POU6F2: variants seen among roughly 807,000 people sequenced by gnomAD.
POU6F2 encodes POU class 6 homeobox 2.
Under a neutral mutation model 71.3 loss-of-function variants are expected in POU6F2, and 31 were observed. The observed-to-expected ratio is 0.43, with a 90% confidence interval of 0.33 to 0.59. POU6F2 has a LOEUF of 0.59. Ranked by LOEUF, POU6F2 falls within the 20% of genes least tolerant of loss-of-function variation. The probability of loss-of-function intolerance (pLI) is 0.04; values close to 1 mark genes in which losing one functional copy is unlikely to be tolerated. For missense variants in POU6F2, 783 were observed against 856.8 expected (o/e 0.91, Z 1.07); for synonymous variants, 347 against 355.7 (o/e 0.98, Z 0.27).
At chr7:39,380,847 G>T (rs888475778) in intron 5 of POU6F2, among the ~76,000 whole-genome samples, 1 of 152,054 alleles carries the variant, frequency 6.6e-6, no homozygotes, top group African/African-American at 2.4e-5. Context: ...CTGCTTCCTC[G>T]TGTCGTGTGC....
intron 2 of POU6F2, among the ~76,000 whole-genome samples, chr7:39,191,808 A>T (rs1421568280): frequency 6.6e-6 from 1 of 152,234 alleles, no homozygotes; most frequent in Non-Finnish European, 1.5e-5. Flanking sequence ...TTTTAGCAAT[A>T]GATACTTTTT....
chr7:39,438,237 G>T (rs375497349), intron 7 of POU6F2, among the ~76,000 whole-genome samples: 1 of 152,042 alleles, frequency 6.6e-6, no homozygotes, highest in Admixed American at 6.6e-5. Context: ...GAGAATGATG[G>T]TTTCCAGCTT....
At chr7:39,151,064 C>T (rs1792747268) in intron 2 of POU6F2, among the ~76,000 whole-genome samples, 1 of 151,706 alleles carries the variant, frequency 6.6e-6, no homozygotes, top group African/African-American at 2.4e-5. Context: ...TTCCATAGAA[C>T]TCTTTCAACC....
chr7:39,390,684 G>A (rs1267939053), intron 5 of POU6F2, among the ~76,000 whole-genome samples: 1 of 152,100 alleles, frequency 6.6e-6, no homozygotes, highest in African/African-American at 2.4e-5. Flanking sequence ...TAAATCGGCG[G>A]ATAACAAAGT....
chr7:39,055,465 C>T (rs896188977), intron 1 of POU6F2, among the ~76,000 whole-genome samples: 5 of 152,068 alleles, frequency 3.3e-5, no homozygotes, highest in Non-Finnish European at 5.9e-5. Flanking sequence ...GCAGATTCCG[C>T]ACTTTAAAAA....
intron 1 of POU6F2, among the ~76,000 whole-genome samples, chr7:39,003,760 A>C (rs567948342): frequency 6.6e-6 from 1 of 152,072 alleles, no homozygotes; most frequent in African/African-American, 2.4e-5. Flanking sequence ...AAAAAAAAAA[A>C]AGAAGGGAGT....
chr7:39,428,514 G>A (rs960594094), intron 6 of POU6F2, among the ~76,000 whole-genome samples: 3 of 152,124 alleles, frequency 2.0e-5, no homozygotes, highest in African/African-American at 4.8e-5. Flanking sequence ...AGATTTACAG[G>A]GCAATAACTT....
intron 4 of POU6F2, among the ~76,000 whole-genome samples, chr7:39,318,814 A>G (rs190082835): frequency 6.6e-6 from 1 of 152,298 alleles, no homozygotes; most frequent in East Asian, 1.9e-4. Context: ...CTTTGCTTTA[A>G]TAAGTAGAAC....
intron 5 of POU6F2, among the ~76,000 whole-genome samples, chr7:39,353,589 A>G (rs1024926233): frequency 6.6e-6 from 1 of 152,246 alleles, no homozygotes; most frequent in African/African-American, 2.4e-5. Context: ...TGGGCAAATC[A>G]GTGGAATGGG....
At chr7:39,138,160 C>G (rs1469355863) in intron 2 of POU6F2, among the ~76,000 whole-genome samples, 1 of 152,160 alleles carries the variant, frequency 6.6e-6, no homozygotes, top group Non-Finnish European at 1.5e-5. Flanking sequence ...CCTCTGTTTC[C>G]TTATGAAACT....
intron 1 of POU6F2, among the ~76,000 whole-genome samples, chr7:39,015,683 T>TATATAGAG (rs1789473218): frequency 1.1e-4 from 2 of 18,724 alleles, no homozygotes; most frequent in Non-Finnish European, 2.6e-4. Flanking sequence ...ATATCTATGT[T>TATATAGAG]ATATATCTAT....
At chr7:39,291,379 A>T (rs560195781) in intron 4 of POU6F2, among the ~76,000 whole-genome samples, 1 of 152,156 alleles carries the variant, frequency 6.6e-6, no homozygotes, top group South Asian at 2.1e-4. Context: ...TAAGAGGAAA[A>T]TTTTTCTCTT....
rs965139278 is a variant in POU6F2, at chr7:39,130,722, A to G, written c.277+44691A>G. 1.8e-4 allele frequency among the ~76,000 whole-genome samples: 27 copies of G among 152,334 alleles called. No homozygotes were observed. The South Asian group carries it at 4.6e-3, about 26-fold the overall frequency. ...GAGGAAAATAATTTGTTTAAAAAACATCTCTTCTGGGCCATGTCCTCAAAT... is the reference window on the plus strand; with the variant it reads ...GAGGAAAATAATTTGTTTAAAAAACGTCTCTTCTGGGCCATGTCCTCAAAT... On this transcript the variant is annotated intron_variant, in intron 2 of 9. Coordinates refer to ENST00000518318, the MANE Select transcript of POU6F2 (RefSeq NM_001370959.1).
intron 5 of POU6F2, among the ~76,000 whole-genome samples, chr7:39,363,675 G>A (rs1291454022): frequency 6.7e-6 from 1 of 149,744 alleles, no homozygotes; most frequent in African/African-American, 2.5e-5. Context: ...GGCTCAGTGA[G>A]GGAGGAAAAG....
At chr7:39,052,917 G>T (rs1354591557) in intron 1 of POU6F2, among the ~76,000 whole-genome samples, 1 of 152,032 alleles carries the variant, frequency 6.6e-6, no homozygotes, top group Non-Finnish European at 1.5e-5. Context: ...AAGGTTTTCT[G>T]TTCTTTCTAT....
rs1480643673 is a variant in POU6F2 at position 39,138,949 on chromosome 7, G to GGA, written c.277+52926_277+52927dup. On this transcript the variant is annotated intron_variant, in intron 2 of 9. Transcript: ENST00000518318. ...GTAAATTAGAATTTATCACCTGTTGGGAGAGAGAGCTATCATTCATTGCAG... is the reference window on the plus strand; with the variant it reads ...GTAAATTAGAATTTATCACCTGTTGGGAGAGAGAGAGCTATCATTCATTGCAG... 4.6e-5 allele frequency among the ~76,000 whole-genome samples: 7 copies of GGA among 152,104 alleles called. No individual in the cohort carries two copies. The South Asian group carries it at 1.5e-3, about 32-fold the overall frequency.
At chr7:39,029,002 T>C (rs1365716162) in intron 1 of POU6F2, among the ~76,000 whole-genome samples, 1 of 151,922 alleles carries the variant, frequency 6.6e-6, no homozygotes, top group Non-Finnish European at 1.5e-5. Context: ...TATTAATAAA[T>C]AAATGTGTAG....
chr7:39,326,895 C>T (rs1785513192), intron 4 of POU6F2, among the ~76,000 whole-genome samples: 1 of 152,146 alleles, frequency 6.6e-6, no homozygotes, highest in African/African-American at 2.4e-5. Flanking sequence ...CAGTTTCCCA[C>T]CTTTGCACAC....
intron 2 of POU6F2, among the ~76,000 whole-genome samples, chr7:39,194,157 C>T (rs553359301): frequency 1.2e-4 from 18 of 152,308 alleles, no homozygotes; most frequent in Non-Finnish European, 2.1e-4. Flanking sequence ...TCAAATCCTA[C>T]CTTGCTCACA....
Sources: allele counts gnomAD v4.1 joint callset (sites outside exome capture counted in the v4.1 genomes callset), GRCh38; gene constraint gnomAD v4.1.1; transcripts MANE v1.5; gene names NCBI Gene and HGNC (gene_info 2026-07-23, HGNC 2026-07-21).